The following NTNG1 variants were observed in gnomAD, a reference collection of about 807,000 sequenced individuals.
The protein encoded by NTNG1 is netrin-G1.
NTNG1 carries 16 observed loss-of-function variants against 54.0 expected under a neutral mutation model. That is an observed-to-expected ratio of 0.30 (90% CI 0.20 to 0.45). The LOEUF is 0.45. Ranked by LOEUF, NTNG1 falls within the 20% of genes least tolerant of loss-of-function variation. The pLI is 1.00. For missense variants in NTNG1, 530 were observed against 678.7 expected (o/e 0.78, Z 2.43); for synonymous variants, 255 against 263.1 (o/e 0.97, Z 0.30).
intron 3 of NTNG1, among the ~76,000 whole-genome samples, chr1:107,358,359 A>ATT (rs202227324): frequency 1.4e-5 from 2 of 145,250 alleles, no homozygotes; most frequent in African/African-American, 5.0e-5. Context: ...ATAGTACTTA[A>ATT]TTTTTTTTTT....
intron 2 of NTNG1, among the ~76,000 whole-genome samples, chr1:107,158,981 G>T (rs1221601719): frequency 6.6e-6 from 1 of 152,112 alleles, no homozygotes; most frequent in Non-Finnish European, 1.5e-5. Context: ...ATACTAAAGG[G>T]CCTCAATCTT....
intron 2 of NTNG1, among the ~76,000 whole-genome samples, chr1:107,276,528 C>A (rs1188448196): frequency 6.6e-6 from 1 of 152,026 alleles, no homozygotes; most frequent in East Asian, 1.9e-4. Context: ...TCACCTTCAG[C>A]CTTTCTCATG....
intron 2 of NTNG1, among the ~76,000 whole-genome samples, chr1:107,211,339 A>C (rs1659585880): frequency 6.6e-6 from 1 of 152,148 alleles, no homozygotes; most frequent in Non-Finnish European, 1.5e-5. Context: ...ATTTACTCTT[A>C]TCTTCATACA....
At chr1:107,256,529 C>T (rs954269000) in intron 2 of NTNG1, among the ~76,000 whole-genome samples, 2 of 152,144 alleles carry the variant, frequency 1.3e-5, no homozygotes, top group African/African-American at 4.8e-5. Context: ...AAAGAGTATT[C>T]GAAGTTAGCG....
chr1:107,284,232 AAAT>A (rs1665050190), intron 2 of NTNG1, among the ~76,000 whole-genome samples: 1 of 152,142 alleles, frequency 6.6e-6, no homozygotes, highest in Admixed American at 6.6e-5. Context: ...ACAGAAGAGC[AAAT>A]AAAGTAACTA....
intron 2 of NTNG1, among the ~76,000 whole-genome samples, chr1:107,260,328 C>T (rs1227694656): frequency 1.3e-5 from 2 of 152,152 alleles, no homozygotes; most frequent in Admixed American, 6.5e-5. Context: ...TTCTCGCTGG[C>T]TACTTTCTGG....
chr1:107,287,008 G>A (rs182202719), intron 2 of NTNG1, among the ~76,000 whole-genome samples: 4 of 152,200 alleles, frequency 2.6e-5, no homozygotes, highest in East Asian at 1.9e-4. Flanking sequence ...TGTAAATCAT[G>A]TGCAAAATTG....
At chr1:107,158,609 T>C in intron 2 of NTNG1, among the ~76,000 whole-genome samples, 1 of 152,172 alleles carries the variant, frequency 6.6e-6, no homozygotes, top group Admixed American at 6.6e-5. Flanking sequence ...GGCATTTTGT[T>C]GCTTTCCTGT....
In NTNG1 at chr1:107,143,666, T is replaced by A. The variant is rs72979532; in HGVS notation, c.-526+2526T>A. Among the ~76,000 whole-genome samples the A allele has an allele frequency of 8.0e-3, 1,222 of 152,230 alleles. 21 individuals are homozygous for A. Among genetic ancestry groups the A allele is most frequent in the African/African-American group, 0.028 (1,153 of 41,560 alleles). ...AGCATACTTTAAAAAATAATTTTAT[T>A]TGCAGAATCCAAAGTTCTGTTTCAA... On this transcript the variant is annotated intron_variant, in intron 1 of 7. Transcript: ENST00000370068.
At chr1:107,157,399 T>C (rs766570495) in intron 2 of NTNG1, among the ~76,000 whole-genome samples, 2 of 152,166 alleles carry the variant, frequency 1.3e-5, no homozygotes, top group Admixed American at 6.6e-5. Context: ...ACCAGAAAGA[T>C]AGAGAAAGAT....
chr1:107,367,065 C>CGTGTGTGT (rs57282130), intron 3 of NTNG1, among the ~76,000 whole-genome samples: 159 of 148,438 alleles, frequency 1.1e-3, no homozygotes, highest in African/African-American at 3.5e-3. Flanking sequence ...TTTATCTGTT[C>CGTGTGTGT]GTGTGTGTGT....
intron 3 of NTNG1, among the ~76,000 whole-genome samples, chr1:107,361,389 A>ATT (rs1261714656): frequency 0.041 from 3,043 of 74,424 alleles, 43 homozygotes; most frequent in South Asian, 0.063. Flanking sequence ...ATATATATAT[A>ATT]TATTTTTTTT....
chr1:107,417,703 G>A (rs1674312495), intron 5 of NTNG1, among the ~76,000 whole-genome samples: 2 of 152,084 alleles, frequency 1.3e-5, no homozygotes, highest in Admixed American at 6.6e-5. Flanking sequence ...CAACACAAGA[G>A]ATGTGGTTTT....
At chr1:107,396,758 T>C (rs1309749536) in intron 4 of NTNG1, among the ~76,000 whole-genome samples, 1 of 152,172 alleles carries the variant, frequency 6.6e-6, no homozygotes, top group East Asian at 1.9e-4. Context: ...ATTTCCTCTT[T>C]AATGTCTGCT....
At chr1:107,204,621 G>A (rs193105048) in intron 2 of NTNG1, among the ~76,000 whole-genome samples, 1 of 152,216 alleles carries the variant, frequency 6.6e-6, no homozygotes, top group Admixed American at 6.5e-5. Flanking sequence ...ACCAGGTGAA[G>A]CAGAAGAATC....
At chr1:107,478,121 A>G (rs565182536) in intron 7 of NTNG1, among the ~76,000 whole-genome samples, 1 of 152,344 alleles carries the variant, frequency 6.6e-6, no homozygotes, top group South Asian at 2.1e-4. Context: ...GAGCATGATT[A>G]TGAATATCAG....
intron 5 of NTNG1, among the ~76,000 whole-genome samples, chr1:107,425,227 T>C (rs1674822120): frequency 1.3e-5 from 2 of 152,056 alleles, no homozygotes; most frequent in South Asian, 4.2e-4. Flanking sequence ...TGTGCTTGTG[T>C]GTTTCATGGA....
chr1:107,304,450 G>A (rs934493079), intron 2 of NTNG1, among the ~76,000 whole-genome samples: 1 of 152,128 alleles, frequency 6.6e-6, no homozygotes, highest in East Asian at 1.9e-4. Flanking sequence ...CTATAGAAGA[G>A]CTCATCAACC....
chr1:107,162,270 G>T (rs1388153193), intron 2 of NTNG1, among the ~76,000 whole-genome samples: 2 of 152,084 alleles, frequency 1.3e-5, no homozygotes, highest in African/African-American at 4.8e-5. Flanking sequence ...GTCAAATGGG[G>T]ATGCACTACT....
Sources: gnomAD v4.1 joint callset for allele counts (sites outside exome capture counted in the v4.1 genomes callset) on GRCh38, gnomAD v4.1.1 for gene constraint, MANE v1.5 for transcripts, NCBI Gene and HGNC (gene_info 2026-07-23, HGNC 2026-07-21) for gene names.